WHRN: variants seen among roughly 807,000 people sequenced by gnomAD.
WHRN encodes whirlin, also known as CASK-interacting protein CIP98.
In WHRN, 41 loss-of-function variants were observed where a neutral mutation model predicts 68.3. The ratio of observed to expected loss-of-function variants is 0.60; its 90% CI spans 0.47 to 0.78. The LOEUF is 0.78. Among genes scored for constraint, WHRN ranks in the 30% least tolerant of loss-of-function variants. WHRN has a pLI of 0.00. For missense variants in WHRN, 1,243 were observed against 1,244.7 expected, an observed-to-expected ratio of 1.00 and a Z score of 0.02; for synonymous variants, 560 against 561.3, an observed-to-expected ratio of 1.00 and a Z score of 0.03.
chr9:114,491,429 T>C (rs1179690178), intron 1 of WHRN: 1 of 151,864 alleles, frequency 6.6e-6, no homozygotes, highest in African/African-American at 2.4e-5. Flanking sequence ...CAGTCAGTTA[T>C]GCACGAAATA....
chr9:114,482,112 T>C (rs554301893), intron 1 of WHRN, among the ~76,000 whole-genome samples: 31 of 151,046 alleles, frequency 2.1e-4, no homozygotes, highest in Non-Finnish European at 3.7e-4. Context: ...GCCAGGTCCA[T>C]AGAAGGTCTT....
intron 3 of WHRN, among the ~76,000 whole-genome samples, chr9:114,445,310 G>A (rs1838726810): frequency 6.6e-6 from 1 of 152,080 alleles, no homozygotes; most frequent in South Asian, 2.1e-4. Flanking sequence ...CCAAAGTTCT[G>A]GGATTACAGG....
chr9:114,483,347 A>G (rs915939352), intron 1 of WHRN, among the ~76,000 whole-genome samples: 1 of 152,208 alleles, frequency 6.6e-6, no homozygotes, highest in East Asian at 1.9e-4. Flanking sequence ...TGGGTCATGC[A>G]GGGAAGGGGA....
chr9:114,433,402 G>A (rs988019118), intron 3 of WHRN, among the ~76,000 whole-genome samples: 2 of 152,218 alleles, frequency 1.3e-5, no homozygotes, highest in Non-Finnish European at 2.9e-5. Flanking sequence ...GGAAGGGCCC[G>A]AAAGAAGCCG....
intron 1 of WHRN, among the ~76,000 whole-genome samples, chr9:114,479,306 C>T (rs1243558904): frequency 1.3e-5 from 2 of 152,196 alleles, no homozygotes; most frequent in Non-Finnish European, 2.9e-5. Flanking sequence ...CATCCCACAC[C>T]TTTGTCACCA....
At chr9:114,430,957 G>T (rs1837370724) in intron 3 of WHRN, among the ~76,000 whole-genome samples, 1 of 152,132 alleles carries the variant, frequency 6.6e-6, no homozygotes, top group African/African-American at 2.4e-5. Context: ...TCTGTGTCCA[G>T]CTCTCTCCCT....
At chr9:114,422,632 G>A (rs1451297724) in intron 7 of WHRN, among the ~76,000 whole-genome samples, 1 of 152,004 alleles carries the variant, frequency 6.6e-6, no homozygotes, top group Non-Finnish European at 1.5e-5. Context: ...TCAGGAGTTC[G>A]AGACCAGCCT....
intron 3 of WHRN, among the ~76,000 whole-genome samples, chr9:114,434,523 C>CCTTCTCCGATT (rs55698796): frequency 0.98 from 149,002 of 152,224 alleles, 72,982 homozygotes; most frequent in Non-Finnish European, 1. Context: ...AAACCCCTGA[C>CCTTCTCCGATT]CTTTCCTCCA....
At chr9:114,403,778 G>T in intron 10 of WHRN, 118 bp downstream of exon 10, 2 of 1,266,584 alleles carry the variant, frequency 1.6e-6, no homozygotes, top group Non-Finnish European at 2.3e-6. Context: ...GTTATAGGGA[G>T]CTCACTACCT....
chr9:114,440,788 T>C (rs1469598968), intron 3 of WHRN, among the ~76,000 whole-genome samples: 1 of 152,232 alleles, frequency 6.6e-6, no homozygotes, highest in Non-Finnish European at 1.5e-5. Context: ...CATCTCTGCA[T>C]GAGCAGTCTG....
intron 7 of WHRN, among the ~76,000 whole-genome samples, chr9:114,408,415 G>A (rs1013370040): frequency 2.0e-5 from 3 of 152,248 alleles, no homozygotes; most frequent in East Asian, 1.9e-4. Context: ...CAAGAGAGAA[G>A]TGGATGGGGA....
At chr9:114,473,465 C>CT (rs1841409901) in intron 2 of WHRN, among the ~76,000 whole-genome samples, 1 of 152,228 alleles carries the variant, frequency 6.6e-6, no homozygotes, top group South Asian at 2.1e-4. Flanking sequence ...CAGCCACTCT[C>CT]TAGCTGTATG....
intron 3 of WHRN, 64 bp from the exon 4 acceptor site, chr9:114,426,477 A>G: frequency 1.9e-6 from 3 of 1,585,530 alleles, no homozygotes; most frequent in Admixed American, 1.7e-5. Context: ...TAGGGACTTC[A>G]CAGCCCAGAT....
At chr9:114,418,389 C>CAA (rs1564127774) in intron 7 of WHRN, among the ~76,000 whole-genome samples, 1 of 152,208 alleles carries the variant, frequency 6.6e-6, no homozygotes, top group Non-Finnish European at 1.5e-5. Context: ...ACATCTTTAG[C>CAA]AACTCAGGCT....
chr9:114,446,542 G>C (rs1226923812), intron 3 of WHRN, among the ~76,000 whole-genome samples: 1 of 152,152 alleles, frequency 6.6e-6, no homozygotes. Flanking sequence ...ATAAAGGCTG[G>C]TTTTAGAAGG....
chr9:114,483,715 T>C, intron 1 of WHRN, among the ~76,000 whole-genome samples: 1 of 152,164 alleles, frequency 6.6e-6, no homozygotes, highest in East Asian at 1.9e-4. Flanking sequence ...TTGGTGGGTG[T>C]CCTAGGGTTA....
chr9:114,418,674 C>T (rs556708121), intron 7 of WHRN, among the ~76,000 whole-genome samples: 30 of 152,370 alleles, frequency 2.0e-4, no homozygotes, highest in Admixed American at 2.6e-4. Flanking sequence ...TCTCTTACCT[C>T]AGGGCCTTTG....
Position 114,491,618 on chromosome 9 carries a change from G to A in WHRN, c.618+12566C>T, listed in dbSNP as rs1255899887. On this transcript the variant is annotated intron_variant, in intron 1 of 11. Coordinates refer to ENST00000362057, the MANE Select transcript of WHRN (RefSeq NM_015404.4). ...CCAGAAGAGTATGAAAAAGCAGAGC[G>A]CGCCTCGGTTAAGGGAAAGCACCAA... The A allele has an allele frequency of 1.8e-5, 4 of 221,512 alleles. No homozygotes were observed. The East Asian group carries it at 2.9e-4, about 16-fold the overall frequency. 13.7% of individuals were successfully genotyped at this position (221,512 alleles called of 1,614,324 possible). A position where few individuals can be genotyped will look rare whatever the true frequency, so the allele number is the denominator to read the frequency against.
At chr9:114,406,121 A>C (rs1192851652) in intron 9 of WHRN, among the ~76,000 whole-genome samples, 1 of 152,220 alleles carries the variant, frequency 6.6e-6, no homozygotes, top group African/African-American at 2.4e-5. Flanking sequence ...TGTCACTGTT[A>C]TCTCCATTTT....
Sources: allele counts gnomAD v4.1 joint callset (sites outside exome capture counted in the v4.1 genomes callset), GRCh38; gene constraint gnomAD v4.1.1; transcripts MANE v1.5; gene names NCBI Gene and HGNC (gene_info 2026-07-23, HGNC 2026-07-21).